HCRTR2: variants seen among roughly 807,000 people sequenced by gnomAD.
The protein encoded by HCRTR2 is orexin receptor type 2.
HCRTR2 carries 22 observed loss-of-function variants against 49.0 expected under a neutral mutation model. The ratio of observed to expected loss-of-function variants is 0.45; its 90% CI spans 0.32 to 0.64. HCRTR2 has a LOEUF of 0.64. HCRTR2 is among the 30% of genes least tolerant of loss of function. The pLI, the probability that HCRTR2 is intolerant of heterozygous loss-of-function variation, is 0.04. For synonymous variants in HCRTR2, 236 were observed against 205.3 expected (o/e 1.15, Z -1.28); for missense variants, 491 against 559.4 (o/e 0.88, Z 1.23).
At chr6:55,133,201 C>A (rs186357996) in intron 1 of HCRTR2, among the ~76,000 whole-genome samples, 154 of 151,884 alleles carry the variant, frequency 1.0e-3, no homozygotes, top group African/African-American at 3.6e-3. Flanking sequence ...TTTTTTACCT[C>A]GGTACAGTCT....
intron 1 of HCRTR2, among the ~76,000 whole-genome samples, chr6:55,185,387 G>T (rs1051403881): frequency 6.6e-6 from 1 of 152,100 alleles, no homozygotes; most frequent in Non-Finnish European, 1.5e-5. Flanking sequence ...GTTTATAGAC[G>T]TATGTGTTAT....
At chr6:55,193,862 C>G (rs1400406994) in intron 1 of HCRTR2, among the ~76,000 whole-genome samples, 1 of 152,066 alleles carries the variant, frequency 6.6e-6, no homozygotes, top group South Asian at 2.1e-4. Flanking sequence ...GTTTCTCTGA[C>G]CTTTCCTCTT....
chr6:55,245,253 C>G (rs1766409670), intron 1 of HCRTR2, among the ~76,000 whole-genome samples: 1 of 151,070 alleles, frequency 6.6e-6, no homozygotes, highest in Admixed American at 6.6e-5. Flanking sequence ...ACTCAAAATT[C>G]AAATGTATCC....
intron 1 of HCRTR2, among the ~76,000 whole-genome samples, chr6:55,206,542 ATT>A (rs76538680): frequency 2.0e-5 from 3 of 151,394 alleles, no homozygotes; most frequent in Admixed American, 2.0e-4. Flanking sequence ...AGTTATTTTG[ATT>A]TTTTTTTATG....
rs754904811 is a variant in HCRTR2, at chr6:55,263,687, T to C, written c.647-20T>C. The C allele has an allele frequency of 7.5e-7, 1 of 1,325,740 alleles. No homozygotes were observed. Among genetic ancestry groups the C allele is most frequent in the South Asian group, 1.2e-5 (1 of 85,042 alleles). 82.1% of individuals were successfully genotyped at this position (1,325,740 alleles called of 1,614,324 possible). On this transcript the variant is annotated intron_variant, in intron 3 of 6. Transcript: ENST00000370862. ...CATCAATTGTAACGTAAGGTTTTGT[T>C]GTTTTGACTTTCATCCTAGGTGAAA...
At position 55,199,682 on chromosome 6, in the gene HCRTR2, T is replaced by C. The variant is rs73437004; in HGVS notation, c.223+24872T>C. 4.1e-3 allele frequency among the ~76,000 whole-genome samples: 629 copies of C among 152,272 alleles called. 4 individuals are homozygous for C. The highest frequency in any genetic ancestry group is 0.015 in the African/African-American group (605 of 41,574). On this transcript the variant is annotated intron_variant, in intron 1 of 6. Coordinates refer to ENST00000370862, the MANE Select transcript of HCRTR2 (RefSeq NM_001384272.1). ...TTATGCGTACTTCAAAATAATTACATTTGTTTAATTTCGAAAAAAATATTA... is the reference window on the plus strand; with the variant it reads ...TTATGCGTACTTCAAAATAATTACACTTGTTTAATTTCGAAAAAAATATTA...
intron 1 of HCRTR2, among the ~76,000 whole-genome samples, chr6:55,229,913 C>A (rs932810506): frequency 5.3e-5 from 8 of 152,066 alleles, no homozygotes; most frequent in African/African-American, 1.9e-4. Context: ...AATGAAAGTA[C>A]AGTAAAATGA....
intron 1 of HCRTR2, among the ~76,000 whole-genome samples, chr6:55,163,495 T>C (rs1764835498): frequency 6.6e-6 from 1 of 152,134 alleles, no homozygotes. Context: ...CTCTGATTTT[T>C]GACAAACCTG....
At chr6:55,240,357 CAAAAAAAAAAAAAAAA>C (rs1167981530) in intron 1 of HCRTR2, among the ~76,000 whole-genome samples, 6 of 46,018 alleles carry the variant, frequency 1.3e-4, no homozygotes, top group South Asian at 1.1e-3. Flanking sequence ...GACTCCAGCT[CAAAAAAAAAAAAAAAA>C]AAAAAAAAAA....
intron 1 of HCRTR2, among the ~76,000 whole-genome samples, chr6:55,135,548 T>A (rs1484832868): frequency 6.6e-6 from 1 of 152,154 alleles, no homozygotes; most frequent in Non-Finnish European, 1.5e-5. Flanking sequence ...TTGCTTCAGT[T>A]TGTGTTAGTT....
chr6:55,164,474 G>C (rs1764848755), intron 1 of HCRTR2, among the ~76,000 whole-genome samples: 2 of 152,134 alleles, frequency 1.3e-5, no homozygotes, highest in Non-Finnish European at 2.9e-5. Context: ...GTCCTTTGCA[G>C]TGACATGAAT....
intron 1 of HCRTR2, among the ~76,000 whole-genome samples, chr6:55,115,153 AC>A (rs1561975490): frequency 6.6e-6 from 1 of 151,740 alleles, no homozygotes; most frequent in South Asian, 2.1e-4. Flanking sequence ...CTACTTCTGT[AC>A]CTTATCATTC....
intron 1 of HCRTR2, among the ~76,000 whole-genome samples, chr6:55,228,536 A>G (rs1766054759): frequency 6.6e-6 from 1 of 152,174 alleles, no homozygotes; most frequent in Non-Finnish European, 1.5e-5. Context: ...TATTGGAACC[A>G]TAATACTTTC....
intron 1 of HCRTR2, among the ~76,000 whole-genome samples, chr6:55,166,727 A>G (rs1242020977): frequency 3.3e-5 from 5 of 152,138 alleles, no homozygotes; most frequent in Middle Eastern, 3.2e-3. Flanking sequence ...TTGAAAACAT[A>G]AGTACACACA....
intron 1 of HCRTR2, among the ~76,000 whole-genome samples, chr6:55,144,608 G>C (rs903679146): frequency 1.3e-5 from 2 of 152,154 alleles, no homozygotes; most frequent in Admixed American, 6.5e-5. Flanking sequence ...CATCAGGTTA[G>C]ATTCTCCTAA....
At chr6:55,248,569 A>G in intron 1 of HCRTR2, 70 bp from the exon 2 acceptor site, 1 of 1,215,370 alleles carries the variant, frequency 8.2e-7, no homozygotes, top group Non-Finnish European at 1.2e-6. Flanking sequence ...TTATAGAAAT[A>G]CTGACAGTGT....
intron 1 of HCRTR2, among the ~76,000 whole-genome samples, chr6:55,169,115 A>T (rs1259254125): frequency 6.6e-6 from 1 of 151,610 alleles, no homozygotes; most frequent in African/African-American, 2.4e-5. Flanking sequence ...CATTTGCTTT[A>T]CTGACCAAAA....
Position 55,196,618 on chromosome 6 carries a change from T to G in HCRTR2, c.223+21808T>G, listed in dbSNP as rs185546783. On this transcript the variant is annotated intron_variant, in intron 1 of 6. Transcript: ENST00000370862. ...CCCAGTTACCTGAGCTTTATTTTGT[T>G]TACATTCATCAGATTTGAATGGCTG... 4.3e-4 allele frequency among the ~76,000 whole-genome samples: 66 copies of G among 152,270 alleles called. 2 individuals are homozygous for G. In the East Asian group the frequency reaches 8.7e-3, roughly 20 times the overall value.
intron 1 of HCRTR2, among the ~76,000 whole-genome samples, chr6:55,242,057 A>G (rs1370767388): frequency 6.6e-6 from 1 of 151,286 alleles, no homozygotes; most frequent in Non-Finnish European, 1.5e-5. Flanking sequence ...TTTAGTAGAG[A>G]CAGGATTTCA....
Sources: allele counts gnomAD v4.1 joint callset (sites outside exome capture counted in the v4.1 genomes callset), GRCh38; gene constraint gnomAD v4.1.1; transcripts MANE v1.5; gene names NCBI Gene and HGNC (gene_info 2026-07-23, HGNC 2026-07-21).